Variants in ATG5 observed in about 807,000 individuals in gnomAD.
ATG5 encodes the protein autophagy related 5, also known as autophagy protein 5.
A neutral mutation model predicts 36.5 loss-of-function variants in ATG5; 14 were observed. The ratio of observed to expected loss-of-function variants is 0.38; its 90% CI spans 0.25 to 0.60. ATG5 has a LOEUF of 0.60. Among genes scored for constraint, ATG5 ranks in the 20% least tolerant of loss-of-function variants. The pLI, the probability that ATG5 is intolerant of heterozygous loss-of-function variation, is 0.60. For synonymous variants in ATG5, 95 were observed against 101.5 expected, an observed-to-expected ratio of 0.94 and a Z score of 0.38; for missense variants, 195 against 326.7, an observed-to-expected ratio of 0.60 and a Z score of 3.11.
chr6:106,321,680 C>G lies in ATG5; in HGVS notation c.-59+3846G>C, dbSNP rs916423104. ...GCCAACTCTTAATCCTCTTAAGTGT[C>G]GGCTTAATATCAGCTCCTTGGGAAG... On this transcript the variant is annotated intron_variant, in intron 1 of 7. Transcript: ENST00000369076. Among the ~76,000 whole-genome samples the G allele has an allele frequency of 4.3e-4, 65 of 152,208 alleles. 1 individual carries two copies. The highest frequency in any genetic ancestry group is 1.5e-3 in the African/African-American group (62 of 41,528).
chr6:106,224,578 T>C (rs1777374123), intron 6 of ATG5, among the ~76,000 whole-genome samples: 1 of 152,138 alleles, frequency 6.6e-6, no homozygotes, highest in Non-Finnish European at 1.5e-5. Context: ...AAGAACTATG[T>C]TAAGACCAGA....
rs1018887086 is a variant in ATG5 at position 106,325,725 on chromosome 6, G to C, written c.-258C>G. 6.5e-6 allele frequency: 1 copy of C among 152,810 alleles called. No homozygotes were observed. Among genetic ancestry groups the C allele is most frequent in the Non-Finnish European group, 1.5e-5 (1 of 68,132 alleles). The allele number at this position is 152,810 out of a possible 1,614,324, so 9.5% of individuals were successfully genotyped here. ...CGGAGCTGAACCCTGCTGCACTTCCGCCCTCTGGTATCCAGCGAATACAAC... is the reference window on the plus strand; with the variant it reads ...CGGAGCTGAACCCTGCTGCACTTCCCCCCTCTGGTATCCAGCGAATACAAC... On this transcript the variant is annotated 5_prime_UTR_variant, in exon 1 of 8. Transcript: ENST00000369076.
intron 5 of ATG5, among the ~76,000 whole-genome samples, chr6:106,258,140 C>T (rs1395506599): frequency 6.6e-6 from 1 of 151,484 alleles, no homozygotes; most frequent in Admixed American, 6.6e-5. Context: ...CACCCACCCC[C>T]ACTCCCCATC....
chr6:106,252,833 A>G (rs1453200058), intron 5 of ATG5, among the ~76,000 whole-genome samples: 1 of 152,210 alleles, frequency 6.6e-6, no homozygotes, highest in African/African-American at 2.4e-5. Flanking sequence ...GCCAAGGGAG[A>G]GCAGAGTTAC....
chr6:106,211,109 C>T (rs958658044), intron 6 of ATG5, among the ~76,000 whole-genome samples: 11 of 152,056 alleles, frequency 7.2e-5, no homozygotes, highest in Non-Finnish European at 1.6e-4. Flanking sequence ...CCATTTATGG[C>T]TAGAAGGGTA....
At position 106,243,632 on chromosome 6, in the gene ATG5, A is replaced by G. The variant is rs1277713970; in HGVS notation, c.573+4518T>C. ...GTTCACCTGAGGTCAGGAGTTCTAG[A>G]CCAGCCTGACCAATATGGTGAAACC... On this transcript the variant is annotated intron_variant, in intron 6 of 7. Coordinates refer to ENST00000369076, the MANE Select transcript of ATG5 (RefSeq NM_004849.4). Among the ~76,000 whole-genome samples the G allele has an allele frequency of 2.0e-5, 3 of 151,442 alleles. No homozygotes were observed. The East Asian group carries it at 5.8e-4, about 29-fold the overall frequency.
At chr6:106,230,346 T>G (rs1777628640) in intron 6 of ATG5, among the ~76,000 whole-genome samples, 1 of 152,210 alleles carries the variant, frequency 6.6e-6, no homozygotes. Flanking sequence ...ATGGAGCAGC[T>G]GGGTTGTTAT....
chr6:106,286,181 G>A (rs1389791065), intron 4 of ATG5, among the ~76,000 whole-genome samples: 1 of 152,116 alleles, frequency 6.6e-6, no homozygotes, highest in Non-Finnish European at 1.5e-5. Flanking sequence ...CTGATACCCT[G>A]CCTAGCAAGT....
chr6:106,245,114 C>G (rs1778278322), intron 6 of ATG5, among the ~76,000 whole-genome samples: 1 of 152,118 alleles, frequency 6.6e-6, no homozygotes, highest in Non-Finnish European at 1.5e-5. Flanking sequence ...ACTAACACAC[C>G]AAACTAAACT....
chr6:106,277,759 A>G (rs1779716720), intron 5 of ATG5, among the ~76,000 whole-genome samples: 1 of 152,224 alleles, frequency 6.6e-6, no homozygotes, highest in South Asian at 2.1e-4. Flanking sequence ...GGATGCAGTG[A>G]GCTGAGATTG....
intron 7 of ATG5, among the ~76,000 whole-genome samples, chr6:106,193,832 C>T (rs1007927705): frequency 2.0e-5 from 3 of 151,954 alleles, no homozygotes; most frequent in African/African-American, 7.3e-5. Context: ...GAATGAAGCC[C>T]CATAGTACCT....
intron 6 of ATG5, chr6:106,217,602 C>A (rs751756438): frequency 7.2e-5 from 11 of 152,132 alleles, no homozygotes; most frequent in Non-Finnish European, 1.2e-4. Flanking sequence ...CTGCTGTGAC[C>A]TGAATGGGGA....
chr6:106,239,671 C>A (rs567149121), intron 6 of ATG5, among the ~76,000 whole-genome samples: 3 of 152,222 alleles, frequency 2.0e-5, no homozygotes, highest in Non-Finnish European at 1.5e-5. Flanking sequence ...AACTACTTTA[C>A]TATAAACCAG....
intron 6 of ATG5, among the ~76,000 whole-genome samples, chr6:106,208,332 C>A (rs1040454063): frequency 1.4e-5 from 2 of 147,934 alleles, no homozygotes; most frequent in African/African-American, 4.9e-5. Context: ...ATGCACAACA[C>A]AATTCTGACA....
intron 3 of ATG5, among the ~76,000 whole-genome samples, chr6:106,303,351 C>G (rs1000367988): frequency 6.6e-6 from 1 of 151,906 alleles, no homozygotes; most frequent in African/African-American, 2.4e-5. Context: ...CATAAACTAC[C>G]AACACTCAAT....
intron 7 of ATG5, among the ~76,000 whole-genome samples, chr6:106,200,725 C>T (rs973347205): frequency 6.6e-6 from 1 of 152,136 alleles, no homozygotes; most frequent in Non-Finnish European, 1.5e-5. Flanking sequence ...CGTGATCCAC[C>T]CGCCTTGGCC....
At chr6:106,236,108 T>C (rs912201732) in intron 6 of ATG5, among the ~76,000 whole-genome samples, 1 of 152,240 alleles carries the variant, frequency 6.6e-6, no homozygotes, top group East Asian at 1.9e-4. Context: ...GAGTATGTTC[T>C]CTTTGTATTG....
intron 2 of ATG5, among the ~76,000 whole-genome samples, chr6:106,313,209 G>A (rs1184053487): frequency 6.6e-6 from 1 of 152,120 alleles, no homozygotes; most frequent in Non-Finnish European, 1.5e-5. Flanking sequence ...GTAAATGTGT[G>A]GGATGCAGAT....
At chr6:106,197,753 C>T (rs1029157478) in intron 7 of ATG5, among the ~76,000 whole-genome samples, 4 of 152,156 alleles carry the variant, frequency 2.6e-5, no homozygotes, top group African/African-American at 9.7e-5. Flanking sequence ...ATGAGATGCC[C>T]AATCTCCAGG....
Sources: allele counts gnomAD v4.1 joint callset (sites outside exome capture counted in the v4.1 genomes callset), GRCh38; gene constraint gnomAD v4.1.1; transcripts MANE v1.5; gene names NCBI Gene and HGNC (gene_info 2026-07-23, HGNC 2026-07-21).